Variants in CXCL13 observed in about 807,000 individuals in gnomAD.
CXCL13 encodes the protein C-X-C motif chemokine 13.
CXCL13 carries 7 observed loss-of-function variants against 12.2 expected under a neutral mutation model. The observed-to-expected ratio is 0.57, with a 90% CI of 0.33 to 1.07. The LOEUF is 1.07. CXCL13 is among the 50% of genes least tolerant of loss of function. CXCL13 has a pLI of 0.04. For synonymous variants in CXCL13, 47 were observed against 42.4 expected (o/e 1.11, Z -0.42); for missense variants, 113 against 127.4 (o/e 0.89, Z 0.55).
At chr4:77,599,090 T>G (rs937935730) in intron 1 of CXCL13, among the ~76,000 whole-genome samples, 1 of 152,086 alleles carries the variant, frequency 6.6e-6, no homozygotes, top group Non-Finnish European at 1.5e-5. Context: ...ATTACAGGCA[T>G]GAGCCACCGC....
At chr4:77,540,478 C>T (rs1725172152) in intron 1 of CXCL13, among the ~76,000 whole-genome samples, 1 of 152,108 alleles carries the variant, frequency 6.6e-6, no homozygotes, top group Non-Finnish European at 1.5e-5. Context: ...TCCATGAGTA[C>T]CCAGTGTTTA....
chr4:77,584,315 TC>T (rs1452888543), intron 1 of CXCL13, among the ~76,000 whole-genome samples: 4 of 152,116 alleles, frequency 2.6e-5, no homozygotes, highest in Non-Finnish European at 5.9e-5. Flanking sequence ...TATTCACCAT[TC>T]CCCCAACATG....
chr4:77,557,106 A>T (rs562837609), intron 1 of CXCL13, among the ~76,000 whole-genome samples: 1 of 152,282 alleles, frequency 6.6e-6, no homozygotes, highest in East Asian at 1.9e-4. Context: ...ACAAAATCCC[A>T]TTATTTTCCT....
chr4:77,531,976 C>T (rs1444775738), intron 1 of CXCL13, among the ~76,000 whole-genome samples: 1 of 152,180 alleles, frequency 6.6e-6, no homozygotes, highest in Non-Finnish European at 1.5e-5. Context: ...ATACAGCACA[C>T]TGACGCGTCT....
intron 1 of CXCL13, among the ~76,000 whole-genome samples, chr4:77,566,607 C>T (rs928690529): frequency 6.6e-6 from 1 of 151,894 alleles, no homozygotes; most frequent in African/African-American, 2.4e-5. Flanking sequence ...AGTATTGAGG[C>T]TCTTGAAATT....
chr4:77,521,631 G>T (rs949756702), intron 1 of CXCL13, among the ~76,000 whole-genome samples: 2 of 151,624 alleles, frequency 1.3e-5, no homozygotes, highest in Non-Finnish European at 2.9e-5. Flanking sequence ...TCTTGCTAGT[G>T]GTTTCTCAAT....
At chr4:77,572,330 G>A (rs539449251) in intron 1 of CXCL13, among the ~76,000 whole-genome samples, 2 of 152,040 alleles carry the variant, frequency 1.3e-5, no homozygotes, top group South Asian at 4.1e-4. Flanking sequence ...GAACCTGGGA[G>A]GTGGAGGTTG....
intron 1 of CXCL13, among the ~76,000 whole-genome samples, chr4:77,580,298 A>AGT (rs1726289376): frequency 1.4e-5 from 1 of 70,332 alleles, no homozygotes; most frequent in Non-Finnish European, 3.0e-5. Flanking sequence ...TAAAAAGACA[A>AGT]GTTTTCTTTC....
At chr4:77,559,863 A>G (rs1373757308) in intron 1 of CXCL13, among the ~76,000 whole-genome samples, 1 of 146,390 alleles carries the variant, frequency 6.8e-6, no homozygotes, top group African/African-American at 2.6e-5. Flanking sequence ...CGGAGCTTGC[A>G]GTGAGCAGAG....
intron 1 of CXCL13, among the ~76,000 whole-genome samples, chr4:77,589,786 C>T (rs73830035): frequency 0.017 from 2,566 of 152,292 alleles, 89 homozygotes; most frequent in African/African-American, 0.058. Context: ...GACAGATACT[C>T]ATGTTTTCAA....
chr4:77,602,975 G>C (rs567272447), upstream of CXCL13, among the ~76,000 whole-genome samples: 13 of 152,268 alleles, frequency 8.5e-5, no homozygotes, highest in African/African-American at 3.1e-4. Flanking sequence ...GTCTAAATAA[G>C]CTAAATCCAG....
chr4:77,577,536 G>T (rs545987019), intron 1 of CXCL13, among the ~76,000 whole-genome samples: 2 of 152,316 alleles, frequency 1.3e-5, no homozygotes, highest in Admixed American at 1.3e-4. Flanking sequence ...ATGGATAAAG[G>T]TCATGCTAGT....
intron 1 of CXCL13, among the ~76,000 whole-genome samples, chr4:77,572,587 A>G (rs893279086): frequency 4.6e-5 from 7 of 151,886 alleles, no homozygotes; most frequent in African/African-American, 7.3e-5. Flanking sequence ...TCAAAAAAAA[A>G]TAGATGTTCG....
At chr4:77,544,616 G>A (rs1725305300) in intron 1 of CXCL13, among the ~76,000 whole-genome samples, 2 of 152,142 alleles carry the variant, frequency 1.3e-5, no homozygotes, top group South Asian at 4.1e-4. Context: ...TTGTAAATTT[G>A]TTTGAGTTCT....
At chr4:77,553,504 C>A (rs149513747) in intron 1 of CXCL13, among the ~76,000 whole-genome samples, 50 of 152,346 alleles carry the variant, frequency 3.3e-4, no homozygotes, top group African/African-American at 1.2e-3. Flanking sequence ...AGCTCCAGGG[C>A]CTGGGAAAAC....
chr4:77,520,745 AC>A (rs1289151164), intron 1 of CXCL13, among the ~76,000 whole-genome samples: 1 of 152,204 alleles, frequency 6.6e-6, no homozygotes, highest in Non-Finnish European at 1.5e-5. Flanking sequence ...AGAACTTCCA[AC>A]ATTATGTTGA....
chr4:77,542,428 G>T (rs1388823976), intron 1 of CXCL13, among the ~76,000 whole-genome samples: 1 of 151,874 alleles, frequency 6.6e-6, no homozygotes, highest in Non-Finnish European at 1.5e-5. Context: ...AGGGATTTTT[G>T]GTCTAATTGA....
At chr4:77,579,699 G>A (rs974856307) in intron 1 of CXCL13, among the ~76,000 whole-genome samples, 3 of 152,020 alleles carry the variant, frequency 2.0e-5, no homozygotes, top group Admixed American at 2.0e-4. Context: ...CTAGAAATTA[G>A]ACCTGCTACC....
intron 1 of CXCL13, among the ~76,000 whole-genome samples, chr4:77,576,854 T>A (rs919041572): frequency 6.6e-6 from 1 of 152,186 alleles, no homozygotes; most frequent in Admixed American, 6.5e-5. Context: ...CTCCGTCCTA[T>A]CATGATTTGT....
Sources: gnomAD v4.1 joint callset for allele counts (sites outside exome capture counted in the v4.1 genomes callset) on GRCh38, gnomAD v4.1.1 for gene constraint, MANE v1.5 for transcripts, NCBI Gene and HGNC (gene_info 2026-07-23, HGNC 2026-07-21) for gene names.